Variants in ENOX1 observed in about 807,000 individuals in gnomAD.
The protein encoded by ENOX1 is candidate growth-related and time keeping constitutive hydroquinone (NADH) oxidase.
Under a neutral mutation model 82.5 loss-of-function variants are expected in ENOX1, and 42 were observed. That is an observed-to-expected ratio of 0.51 (90% confidence interval 0.40 to 0.66). The LOEUF is 0.66. Ranked by LOEUF, ENOX1 falls within the 30% of genes least tolerant of loss-of-function variation. The probability of loss-of-function intolerance (pLI) is 0.00; values close to 1 mark genes in which losing one functional copy is unlikely to be tolerated. For synonymous variants in ENOX1, 271 were observed against 282.2 expected (o/e 0.96, Z 0.40); for missense variants, 608 against 811.6 (o/e 0.75, Z 3.05).
intron 5 of ENOX1, among the ~76,000 whole-genome samples, chr13:43,396,707 T>G (rs2053175519): frequency 6.6e-6 from 1 of 152,198 alleles, no homozygotes; most frequent in Admixed American, 6.5e-5. Context: ...CAGGAGATAC[T>G]CTTCCTGTGG....
intron 11 of ENOX1, among the ~76,000 whole-genome samples, chr13:43,320,528 T>C (rs2047748232): frequency 6.6e-6 from 1 of 152,200 alleles, no homozygotes; most frequent in Non-Finnish European, 1.5e-5. Context: ...TATAAGCATG[T>C]ACGTGCCGCA....
At chr13:43,772,439 C>A (rs959892488) in intron 1 of ENOX1, among the ~76,000 whole-genome samples, 16 of 152,102 alleles carry the variant, frequency 1.1e-4, no homozygotes, top group African/African-American at 3.9e-4. Flanking sequence ...TCCCTCCCAC[C>A]TAGATGGACT....
intron 15 of ENOX1, among the ~76,000 whole-genome samples, chr13:43,227,019 C>G (rs1228800274): frequency 1.3e-5 from 2 of 152,196 alleles, no homozygotes; most frequent in East Asian, 1.9e-4. Flanking sequence ...GGCCAGAGAG[C>G]CTTCAACATC....
At chr13:43,221,208 AG>A (rs1438435576) in intron 16 of ENOX1, among the ~76,000 whole-genome samples, 1 of 152,186 alleles carries the variant, frequency 6.6e-6, no homozygotes, top group South Asian at 2.1e-4. Context: ...AGGTGTGTAG[AG>A]GGGGCAACCA....
At chr13:43,389,200 C>T (rs2052614072) in intron 5 of ENOX1, among the ~76,000 whole-genome samples, 1 of 152,170 alleles carries the variant, frequency 6.6e-6, no homozygotes, top group African/African-American at 2.4e-5. Flanking sequence ...ACCATGTCAT[C>T]TGTTGACCTG....
chr13:43,686,435 G>A (rs2086079848), intron 1 of ENOX1, among the ~76,000 whole-genome samples: 1 of 152,104 alleles, frequency 6.6e-6, no homozygotes, highest in Non-Finnish European at 1.5e-5. Flanking sequence ...AAAAAATGCA[G>A]GAGTTCCTTA....
intron 15 of ENOX1, among the ~76,000 whole-genome samples, chr13:43,233,592 T>C (rs971005941): frequency 6.6e-6 from 1 of 152,156 alleles, no homozygotes; most frequent in Non-Finnish European, 1.5e-5. Flanking sequence ...AGTTCTAGCC[T>C]CAGTTTTATT....
intron 2 of ENOX1, among the ~76,000 whole-genome samples, chr13:43,630,821 A>T (rs1057285793): frequency 6.6e-6 from 1 of 150,822 alleles, no homozygotes; most frequent in East Asian, 1.9e-4. Context: ...CTAGGCATTT[A>T]TATATACATA....
intron 2 of ENOX1, among the ~76,000 whole-genome samples, chr13:43,581,054 A>G (rs1291651192): frequency 6.7e-6 from 1 of 150,116 alleles, no homozygotes; most frequent in Non-Finnish European, 1.5e-5. Flanking sequence ...GTATTCTCTT[A>G]TACCTAAACA....
chr13:43,255,905 A>G (rs1156862533), intron 14 of ENOX1, among the ~76,000 whole-genome samples: 1 of 152,110 alleles, frequency 6.6e-6, no homozygotes, highest in Non-Finnish European at 1.5e-5. Context: ...CTTCATAGAA[A>G]CAGAAAAATA....
At chr13:43,616,645 G>A (rs12864459) in intron 2 of ENOX1, among the ~76,000 whole-genome samples, 9,947 of 152,170 alleles carry the variant, frequency 0.065, 433 homozygotes, top group East Asian at 0.18. Context: ...AAAACTGTTT[G>A]TAATGATATG....
chr13:43,449,280 T>C (rs1217400023), intron 3 of ENOX1, among the ~76,000 whole-genome samples: 1 of 152,120 alleles, frequency 6.6e-6, no homozygotes, highest in Non-Finnish European at 1.5e-5. Flanking sequence ...TGGAAAAGGG[T>C]CAAGGAGCGA....
chr13:43,623,454 T>G (rs2082831458), intron 2 of ENOX1, among the ~76,000 whole-genome samples: 1 of 152,184 alleles, frequency 6.6e-6, no homozygotes, highest in Non-Finnish European at 1.5e-5. Flanking sequence ...TGTATTTTGC[T>G]CAGCTCTCCA....
chr13:43,412,075 G>C (rs1310402752), intron 4 of ENOX1, 22 bp from the exon 5 acceptor site: 2 of 1,610,118 alleles, frequency 1.2e-6, no homozygotes, highest in Non-Finnish European at 1.7e-6. Flanking sequence ...AACAAACCAT[G>C]ATTTAGAGTC....
chr13:43,616,818 A>G (rs946949693), intron 2 of ENOX1, among the ~76,000 whole-genome samples: 1 of 152,128 alleles, frequency 6.6e-6, no homozygotes, highest in Admixed American at 6.6e-5. Context: ...GAAATATCCA[A>G]AAATGTTCCT....
chr13:43,400,326 A>G (rs1163124734), intron 5 of ENOX1, among the ~76,000 whole-genome samples: 1 of 152,158 alleles, frequency 6.6e-6, no homozygotes, highest in Non-Finnish European at 1.5e-5. Flanking sequence ...GAGAAATGGA[A>G]TCCATTAGCC....
At chr13:43,531,331 C>G (rs2078202895) in intron 2 of ENOX1, among the ~76,000 whole-genome samples, 1 of 152,060 alleles carries the variant, frequency 6.6e-6, no homozygotes, top group Admixed American at 6.6e-5. Context: ...AAATGCTCAT[C>G]ATCACTGGCC....
At chr13:43,352,378 C>T (rs1382918193) in intron 8 of ENOX1, among the ~76,000 whole-genome samples, 1 of 152,192 alleles carries the variant, frequency 6.6e-6, no homozygotes, top group Admixed American at 6.5e-5. Flanking sequence ...CAAGAGAAAT[C>T]CCGGTGAATT....
At chr13:43,583,735 T>C (rs2080851765) in intron 2 of ENOX1, among the ~76,000 whole-genome samples, 1 of 152,176 alleles carries the variant, frequency 6.6e-6, no homozygotes, top group Non-Finnish European at 1.5e-5. Flanking sequence ...GGTCTTCTAT[T>C]GTCATCAAGT....
Sources: allele counts gnomAD v4.1 joint callset (sites outside exome capture counted in the v4.1 genomes callset), GRCh38; gene constraint gnomAD v4.1.1; transcripts MANE v1.5; gene names NCBI Gene and HGNC (gene_info 2026-07-23, HGNC 2026-07-21).